The following TRPM2 variants were observed in gnomAD, a reference collection of about 807,000 sequenced individuals.
TRPM2 encodes the protein transient receptor potential cation channel subfamily M member 2.
TRPM2 carries 161 observed loss-of-function variants against 174.0 expected under a neutral mutation model. The ratio of observed to expected loss-of-function variants is 0.93; its 90% CI spans 0.81 to 1.05. The LOEUF is 1.05. Ranked by LOEUF, TRPM2 falls within the 50% of genes least tolerant of loss-of-function variation. The pLI is 0.00. For missense variants in TRPM2, 2,057 were observed against 2,038.0 expected (o/e 1.01, Z -0.18); for synonymous variants, 954 against 861.3 (o/e 1.11, Z -1.88).
intron 2 of TRPM2, among the ~76,000 whole-genome samples, chr21:44,363,341 C>T (rs983546020): frequency 6.6e-6 from 1 of 152,080 alleles, no homozygotes; most frequent in Non-Finnish European, 1.5e-5. Context: ...GTTTTGTTTA[C>T]TTGTGTATTT....
rs1785453 is a variant in TRPM2, at chr21:44,405,579, T to G, written c.2657+319T>G. ...GCTTTCTCCCTCTGCCTCCCTACTG[T>G]GGGCTCACTGCACTGCCTGTGATGC... is the stretch of plus-strand genomic sequence containing the variant. On this transcript the variant is annotated intron_variant, in intron 17 of 31. Transcript: ENST00000397928. 0.71 allele frequency among the ~76,000 whole-genome samples: 108,266 copies of G among 151,972 alleles called. 38,990 individuals are homozygous for G. Among genetic ancestry groups the G allele is most frequent in the East Asian group, 0.77 (3,977 of 5,164 alleles).
intron 11 of TRPM2, 135 bp from the exon 12 acceptor site, chr21:44,395,277 CAG>C: frequency 1.9e-6 from 2 of 1,041,834 alleles, no homozygotes; most frequent in Non-Finnish European, 2.7e-6. Flanking sequence ...GCTGAAAATG[CAG>C]GTTGTAGTTC....
chr21:44,381,677 C>T (rs569043361), intron 8 of TRPM2, among the ~76,000 whole-genome samples: 12 of 151,990 alleles, frequency 7.9e-5, no homozygotes, highest in East Asian at 5.8e-4. Flanking sequence ...GAGGTTGATG[C>T]GGGTGGATCA....
chr21:44,390,753 A>C, intron 9 of TRPM2, 151 bp from the exon 10 acceptor site: 1 of 975,148 alleles, frequency 1.0e-6, no homozygotes, highest in Non-Finnish European at 1.5e-6. Flanking sequence ...GGCTGTGTGT[A>C]TGGGAGGAGG....
At chr21:44,417,890 C>A (rs1569094192) in intron 20 of TRPM2, 37 bp from the exon 21 acceptor site, 5 of 1,593,412 alleles carry the variant, frequency 3.1e-6, no homozygotes, top group Non-Finnish European at 4.3e-6. Flanking sequence ...TGGGTAAACA[C>A]CCTGACCTCG....
Position 44,353,772 on chromosome 21 carries a change from C to T in TRPM2, c.72C>T (p.Val24=), listed in dbSNP as rs372470107. ...EEGFEGLPRR[V]TDLGMVSNLR... is the part of the protein sequence containing the mutation. ...GCTTTGAGGGGCTGCCCAGAAGGGTCACTGACCTGGGGATGGTCTCCAATC... is the reference window on the plus strand; with the variant it reads ...GCTTTGAGGGGCTGCCCAGAAGGGTTACTGACCTGGGGATGGTCTCCAATC... Residue 24 remains valine (V), a synonymous_variant, in exon 1 of 32, where the codon GTC becomes GTT. Coordinates refer to ENST00000397928, the MANE Select transcript of TRPM2 (RefSeq NM_003307.4). 8.7e-6 allele frequency: 14 copies of T among 1,601,944 alleles called. No homozygotes were observed. In the African/African-American group the frequency reaches 1.9e-4, roughly 22 times the overall value.
At chr21:44,436,972 CCCGCCCCAGGCAGGGCCAGCCCCG>C in intron 28 of TRPM2, 66 bp from the exon 29 acceptor site, 1 of 1,186,592 alleles carries the variant, frequency 8.4e-7, no homozygotes, top group Non-Finnish European at 1.2e-6. Context: ...CTGACACTGC[CCCGCCCCAGGCAGGGCCAGCCCCG>C]CCGCGGCGCA....
chr21:44,413,847 C>A, intron 19 of TRPM2, 44 bp from the exon 20 acceptor site: 1 of 1,587,372 alleles, frequency 6.3e-7, no homozygotes, highest in Non-Finnish European at 8.6e-7. Context: ...CCTCTTGACT[C>A]TGTGTTGTTT....
At chr21:44,351,457 G>A (rs1221779548), upstream of TRPM2, among the ~76,000 whole-genome samples, 3 of 152,240 alleles carry the variant, frequency 2.0e-5, no homozygotes, top group Admixed American at 6.5e-5. Context: ...GCTCAGGCCT[G>A]CTTCATGCAT....
chr21:44,377,823 G>GGCAGATGA (rs1396554887), intron 7 of TRPM2, 50 bp downstream of exon 7: 3 of 1,602,446 alleles, frequency 1.9e-6, no homozygotes, highest in Non-Finnish European at 2.6e-6. Flanking sequence ...TCCTGCTGCA[G>GGCAGATGA]GCAGATGACT....
intron 17 of TRPM2, 26 bp downstream of exon 17, chr21:44,405,286 G>A: frequency 2.5e-6 from 4 of 1,609,492 alleles, no homozygotes; most frequent in Non-Finnish European, 3.4e-6. Context: ...CCGATGGCGG[G>A]CCCGTCTGAG....
intron 11 of TRPM2, 32 bp from the exon 12 acceptor site, chr21:44,395,382 G>T: frequency 6.2e-7 from 1 of 1,609,210 alleles, no homozygotes; most frequent in Non-Finnish European, 8.5e-7. Flanking sequence ...CAGGCGGCCC[G>T]GCTGGGGCTC....
intron 20 of TRPM2, among the ~76,000 whole-genome samples, chr21:44,417,231 A>G (rs111790362): frequency 1.7e-5 from 1 of 58,106 alleles, no homozygotes; most frequent in Non-Finnish European, 3.3e-5. Context: ...AGTGGGCACA[A>G]GGGCGTGGCT....
Position 44,406,695 on chromosome 21 carries a change from C to T in TRPM2, c.2892C>T (p.Asp964=). Reference sequence around the variant, plus strand: ...TCATCCACAACGAGCGCCGGGTGGACTGGCTGTTCCGAGGGGCCGTCTACC... The same window carrying T: ...TCATCCACAACGAGCGCCGGGTGGATTGGCTGTTCCGAGGGGCCGTCTACC... ...AILIHNERRV[D]WLFRGAVYHS... Residue 964 remains aspartate (D), a synonymous_variant, in exon 19 of 32, where the codon GAC becomes GAT. Coordinates refer to ENST00000397928, the MANE Select transcript of TRPM2 (RefSeq NM_003307.4). 1 of 1,609,694 alleles carries T rather than the reference C, an allele frequency of 6.2e-7. No homozygotes were observed. Among genetic ancestry groups the T allele is most frequent in the Non-Finnish European group, 8.5e-7 (1 of 1,179,278 alleles).
chr21:44,384,312 T>G (rs2048961261), intron 9 of TRPM2, among the ~76,000 whole-genome samples: 1 of 152,218 alleles, frequency 6.6e-6, no homozygotes, highest in Non-Finnish European at 1.5e-5. Flanking sequence ...TACCTAGTAC[T>G]TTATAAATCA....
intron 15 of TRPM2, among the ~76,000 whole-genome samples, chr21:44,400,768 G>A (rs1430224827): frequency 1.3e-5 from 2 of 152,200 alleles, no homozygotes; most frequent in African/African-American, 2.4e-5. Context: ...CCTCGCAGCC[G>A]CAGAGCCTGT....
chr21:44,424,097 C>T (rs2050657327), intron 23 of TRPM2, among the ~76,000 whole-genome samples: 1 of 152,102 alleles, frequency 6.6e-6, no homozygotes, highest in African/African-American at 2.4e-5. Flanking sequence ...TAGAGACGGC[C>T]TCTCAGGGTC....
chr21:44,429,680 C>G (rs1385156088), intron 27 of TRPM2, among the ~76,000 whole-genome samples: 2 of 151,924 alleles, frequency 1.3e-5, no homozygotes, highest in Non-Finnish European at 2.9e-5. Context: ...CTTTATTAAA[C>G]CTTCTCGTTA....
rs778487004 is a variant in TRPM2, at chr21:44,438,224, C to T, written c.4168-843C>T. ...TTGGGGTCCCCTTGCTGCCCTGCTG[C>T]GCTCACCCAGTAGCTTCTCTGCCTG... On this transcript the variant is annotated intron_variant, in intron 29 of 31. Coordinates refer to ENST00000397928, the MANE Select transcript of TRPM2 (RefSeq NM_003307.4). This position sits in a 1 kb window ranked among gnomAD's most constrained non-coding sequence, Gnocchi z 5.9. Among the ~76,000 whole-genome samples the T allele has an allele frequency of 1.7e-4, 26 of 152,230 alleles. 1 individual carries two copies. Among genetic ancestry groups the T allele is most frequent in the Admixed American group, 2.0e-4 (3 of 15,290 alleles).
Sources: allele counts gnomAD v4.1 joint callset (sites outside exome capture counted in the v4.1 genomes callset), GRCh38; gene constraint gnomAD v4.1.1; non-coding constraint Gnocchi (gnomAD v3.1); transcripts MANE v1.5; gene names NCBI Gene and HGNC (gene_info 2026-07-23, HGNC 2026-07-21).